The following MDM2 variants were observed in gnomAD, a reference collection of about 807,000 sequenced individuals.
MDM2 encodes the protein MDM2 proto-oncogene.
A neutral mutation model predicts 64.3 loss-of-function variants in MDM2; 11 were observed. The ratio of observed to expected loss-of-function variants is 0.17; its 90% CI spans 0.11 to 0.28. MDM2 has a LOEUF of 0.28. Among genes scored for constraint, MDM2 ranks in the 10% least tolerant of loss-of-function variants. The probability of loss-of-function intolerance (pLI) is 1.00; values close to 1 mark genes in which losing one functional copy is unlikely to be tolerated. For synonymous variants in MDM2, 194 were observed against 192.9 expected, an observed-to-expected ratio of 1.01 and a Z score of -0.05; for missense variants, 388 against 577.1, an observed-to-expected ratio of 0.67 and a Z score of 3.36.
At chr12:68,833,032 AG>A (rs1269033869) in intron 8 of MDM2, among the ~76,000 whole-genome samples, 3 of 145,904 alleles carry the variant, frequency 2.1e-5, no homozygotes, top group African/African-American at 7.6e-5. Flanking sequence ...AGGCTGAGGC[AG>A]GAGAATGGCG....
chr12:68,814,945 C>T (rs555451878), intron 3 of MDM2, among the ~76,000 whole-genome samples: 2 of 152,196 alleles, frequency 1.3e-5, no homozygotes, highest in South Asian at 4.1e-4. Context: ...TTTCTTTTTC[C>T]TCTCCAGCTA....
intron 7 of MDM2, chr12:68,828,326 T>TA (rs1327768876): frequency 6.5e-6 from 1 of 153,740 alleles, no homozygotes; most frequent in Non-Finnish European, 1.5e-5. Flanking sequence ...TGTATGGAGA[T>TA]AAAGTTCTGA....
At chr12:68,819,317 TG>T (rs1400360923) in intron 4 of MDM2, among the ~76,000 whole-genome samples, 1 of 152,218 alleles carries the variant, frequency 6.6e-6, no homozygotes, top group Non-Finnish European at 1.5e-5. Context: ...CAACGAATAC[TG>T]GGGTAAATGA....
At chr12:68,830,610 T>G (rs1028238982) in intron 8 of MDM2, among the ~76,000 whole-genome samples, 2 of 152,112 alleles carry the variant, frequency 1.3e-5, no homozygotes, top group Non-Finnish European at 2.9e-5. Flanking sequence ...AAAAATAGGC[T>G]CTTGAGCGGA....
intron 8 of MDM2, among the ~76,000 whole-genome samples, chr12:68,829,438 A>G (rs1882613401): frequency 1.3e-5 from 2 of 152,198 alleles, no homozygotes; most frequent in African/African-American, 4.8e-5. Flanking sequence ...AGGTCTAGAC[A>G]TCAGGTAAGT....
chr12:68,839,880 C>A lies in MDM2; in HGVS notation c.*31C>A. On this transcript the variant is annotated 3_prime_UTR_variant, in exon 11 of 11. Coordinates refer to ENST00000258149, the MANE Select transcript of MDM2 (RefSeq NM_002392.6). ...CTGTCTATAAGAGAATTATATATTT[C>A]TAACTATATAACCCTAGGAATTTAG... 6.3e-7 allele frequency: 1 copy of A among 1,580,214 alleles called. No homozygotes were observed. Among genetic ancestry groups the A allele is most frequent in the Non-Finnish European group, 8.7e-7 (1 of 1,155,814 alleles).
intron 1 of MDM2, chr12:68,808,834 G>A (rs1880599057): frequency 4.7e-6 from 4 of 843,608 alleles, no homozygotes; most frequent in Non-Finnish European, 5.7e-6. Context: ...GCAGGTGCCT[G>A]TCGGGTCACT....
chr12:68,834,867 C>T (rs955068356), intron 8 of MDM2, among the ~76,000 whole-genome samples: 1 of 152,170 alleles, frequency 6.6e-6, no homozygotes, highest in East Asian at 1.9e-4. Flanking sequence ...TATGCTCCTA[C>T]CCTTAGCCAC....
In MDM2 at chr12:68,815,424, TTTC is replaced by T. The variant is rs1388381592; in HGVS notation, c.175-1379_175-1377del. Reference sequence around the variant, plus strand: ...TAAGAGTCAGAAGAGCTGGGGCCAGTTTCTTCTTCTTTTTTTTTTTTTTTTTTT... The same window carrying T: ...TAAGAGTCAGAAGAGCTGGGGCCAGTTTCTTCTTTTTTTTTTTTTTTTTTT... On this transcript the variant is annotated intron_variant, in intron 3 of 10. Transcript: ENST00000258149. Among the ~76,000 whole-genome samples the T allele has an allele frequency of 2.3e-4, 33 of 145,780 alleles. 1 individual carries two copies. In the South Asian group the frequency reaches 3.0e-3, roughly 13 times the overall value.
intron 8 of MDM2, among the ~76,000 whole-genome samples, chr12:68,829,150 G>A (rs1002568299): frequency 2.6e-5 from 4 of 152,278 alleles, no homozygotes; most frequent in Non-Finnish European, 4.4e-5. Context: ...ACCGGTATTG[G>A]TAAAATTAGT....
chr12:68,836,003 T>G lies in MDM2; in HGVS notation c.840+19T>G. ...TGATGAGGTAGTATTTTTTTTCCCCTCTAATTATATTGGAAAATTATTAAA... is the reference window on the plus strand; with the variant it reads ...TGATGAGGTAGTATTTTTTTTCCCCGCTAATTATATTGGAAAATTATTAAA... On this transcript the variant is annotated intron_variant, in intron 9 of 10. Transcript: ENST00000258149. The G allele has an allele frequency of 6.4e-7, 1 of 1,556,212 alleles. No homozygotes were observed. The highest frequency in any genetic ancestry group is 8.7e-7 in the Non-Finnish European group (1 of 1,148,972).
At position 68,843,388 on chromosome 12, in the gene MDM2, A is replaced by G. The variant is rs1371065411; in HGVS notation, c.*3539A>G. The G allele has an allele frequency of 4.3e-6, 1 of 231,034 alleles. No homozygotes were observed. Among genetic ancestry groups the G allele is most frequent in the Non-Finnish European group, 8.6e-6 (1 of 116,744 alleles). The allele number at this position is 231,034 out of a possible 1,614,324, so 14.3% of individuals were successfully genotyped here. A position where few individuals can be genotyped will look rare whatever the true frequency, so the allele number is the denominator to read the frequency against. ...TGATATTTGAGCTGATGGGTGTGCT[A>G]ATTACACTGATTTGATCAATACCCA... On this transcript the variant is annotated 3_prime_UTR_variant, in exon 11 of 11. Coordinates refer to ENST00000258149, the MANE Select transcript of MDM2 (RefSeq NM_002392.6).
intron 8 of MDM2, among the ~76,000 whole-genome samples, chr12:68,833,378 T>TTA (rs1373340895): frequency 7.5e-6 from 1 of 132,896 alleles, no homozygotes; most frequent in African/African-American, 3.0e-5. Flanking sequence ...CCTGTATATA[T>TTA]TATATATATT....
chr12:68,838,788 AG>A (rs1320131048), intron 10 of MDM2, among the ~76,000 whole-genome samples: 3 of 152,354 alleles, frequency 2.0e-5, no homozygotes, highest in Non-Finnish European at 1.5e-5. Flanking sequence ...ATAACTTTAT[AG>A]GTACATGATT....
chr12:68,839,523 C>G lies in MDM2; in HGVS notation c.1168C>G (p.Gln390Glu). ...CVEENDDKIT[Q>E]ASQSQESEDY... is the part of the protein sequence containing the mutation. ...TGAGGAAAATGATGATAAAATTACA[C>G]AAGCTTCACAATCACAAGAAAGTGA... Residue 390 changes from glutamine to glutamate, a missense_variant, in exon 11 of 11, where the codon CAA becomes GAA. Around this residue, in one of 5 missense-constraint regions of MDM2, gnomAD observed 138 missense variants for 143.7 expected, o/e 0.96. Coordinates refer to ENST00000258149, the MANE Select transcript of MDM2 (RefSeq NM_002392.6). 2 of 1,613,914 alleles carry G rather than the reference C, an allele frequency of 1.2e-6. No individual in the cohort carries two copies. The highest frequency in any genetic ancestry group is 2.2e-5 in the South Asian group (2 of 91,068).
At chr12:68,822,473 A>G (rs1881940322) in intron 5 of MDM2, among the ~76,000 whole-genome samples, 2 of 150,686 alleles carry the variant, frequency 1.3e-5, no homozygotes, top group Non-Finnish European at 2.9e-5. Flanking sequence ...CAGGTTGGTT[A>G]CATATGTATA....
In MDM2 at chr12:68,844,315, C is replaced by T. The variant is rs1592610013; in HGVS notation, c.*4466C>T. ...TTTTTCTGGAATGGCCATGCCTGCC[C>T]ACTTTAGAAATACAAATATCACTGG... On this transcript the variant is annotated 3_prime_UTR_variant, in exon 11 of 11. Transcript: ENST00000258149. 4.5e-6 allele frequency: 1 copy of T among 222,718 alleles called. No homozygotes were observed. The highest frequency in any genetic ancestry group is 6.6e-5 in the East Asian group (1 of 15,204). The allele number at this position is 222,718 out of a possible 1,614,324, so 13.8% of individuals were successfully genotyped here.
intron 4 of MDM2, 110 bp downstream of exon 4, chr12:68,817,055 C>A: frequency 2.4e-6 from 3 of 1,267,126 alleles, no homozygotes; most frequent in Non-Finnish European, 3.2e-6. Context: ...ATATTAAAGA[C>A]ATGCTGAAAC....
intron 2 of MDM2, among the ~76,000 whole-genome samples, chr12:68,810,595 G>A (rs1880796194): frequency 6.6e-6 from 1 of 151,682 alleles, no homozygotes; most frequent in East Asian, 1.9e-4. Flanking sequence ...CCGAGTAGCT[G>A]GGACTACAGG....
Sources: allele counts gnomAD v4.1 joint callset (sites outside exome capture counted in the v4.1 genomes callset), GRCh38; gene constraint gnomAD v4.1.1; regional missense constraint gnomAD v4.1.1; transcripts MANE v1.5; gene names NCBI Gene and HGNC (gene_info 2026-07-23, HGNC 2026-07-21).